Variants in GNG12 observed in about 807,000 individuals in gnomAD.
GNG12 encodes the protein guanine nucleotide-binding protein G(I)/G(S)/G(O) subunit gamma-12.
For missense variants in GNG12, 69 were observed against 83.8 expected, an observed-to-expected ratio of 0.82 and a Z score of 0.69; for synonymous variants, 28 against 29.7, an observed-to-expected ratio of 0.94 and a Z score of 0.19.
chr1:67,732,626 A>G (rs900348115), intron 2 of GNG12, among the ~76,000 whole-genome samples: 2 of 152,212 alleles, frequency 1.3e-5, no homozygotes, highest in African/African-American at 4.8e-5. Flanking sequence ...TTTTCTTTGT[A>G]TAACACTGCC....
At chr1:67,710,528 C>T (rs1319557281) in intron 2 of GNG12, among the ~76,000 whole-genome samples, 3 of 152,006 alleles carry the variant, frequency 2.0e-5, no homozygotes, top group Non-Finnish European at 2.9e-5. Flanking sequence ...ATTGCTCCCA[C>T]CCGGCATGGC....
intron 1 of GNG12, among the ~76,000 whole-genome samples, chr1:67,798,532 T>C (rs1646845219): frequency 6.6e-6 from 1 of 152,170 alleles, no homozygotes; most frequent in Non-Finnish European, 1.5e-5. Flanking sequence ...CCTGTCTTCC[T>C]GCCTCCCCAT....
intron 2 of GNG12, among the ~76,000 whole-genome samples, chr1:67,721,387 T>C (rs998545228): frequency 6.6e-6 from 1 of 152,122 alleles, no homozygotes; most frequent in Non-Finnish European, 1.5e-5. Flanking sequence ...GGGAGCCCCT[T>C]AGAAATGCAA....
chr1:67,804,614 A>G lies in GNG12; in HGVS notation c.-76-27107T>C, dbSNP rs1646884417. On this transcript the variant is annotated intron_variant, in intron 1 of 3. Coordinates refer to ENST00000370982, the MANE Select transcript of GNG12 (RefSeq NM_018841.6). ...AAAACCAACAATTCTTCTTGGATGC[A>G]GTAGAGAAGTAAAGTGACAGGGCAA... 2.0e-5 allele frequency among the ~76,000 whole-genome samples: 3 copies of G among 152,150 alleles called. No homozygotes were observed. In the South Asian group the frequency reaches 6.2e-4, roughly 31 times the overall value.
chr1:67,788,814 A>C (rs1220442265), intron 1 of GNG12, among the ~76,000 whole-genome samples: 2 of 152,254 alleles, frequency 1.3e-5, no homozygotes, highest in African/African-American at 4.8e-5. Flanking sequence ...TTAGAAGACA[A>C]CAAGAATGCA....
intron 2 of GNG12, among the ~76,000 whole-genome samples, chr1:67,776,335 T>C (rs967641798): frequency 2.6e-5 from 4 of 152,176 alleles, no homozygotes; most frequent in African/African-American, 9.6e-5. Context: ...ATAAACACTA[T>C]AGCAGATTGC....
chr1:67,766,145 CACA>C lies in GNG12; in HGVS notation c.-27+11310_-27+11312del, dbSNP rs1557610127. 6.1e-4 allele frequency among the ~76,000 whole-genome samples: 87 copies of C among 141,634 alleles called. 1 individual carries two copies. The highest frequency in any genetic ancestry group is 1.7e-3 in the African/African-American group (58 of 33,900). The allele number at this position is 141,634 out of a possible 152,430, so 92.9% of individuals were successfully genotyped here. On this transcript the variant is annotated intron_variant, in intron 2 of 3. Coordinates refer to ENST00000370982, the MANE Select transcript of GNG12 (RefSeq NM_018841.6). ...ACACACACACACACACACACACACA[CACA>C]CCCCTAAACAATGCCCTCATAGACA...
At chr1:67,801,343 T>G (rs906598434) in intron 1 of GNG12, among the ~76,000 whole-genome samples, 1 of 152,216 alleles carries the variant, frequency 6.6e-6, no homozygotes, top group Non-Finnish European at 1.5e-5. Flanking sequence ...AATGAATATA[T>G]GAATGAGGCT....
At chr1:67,797,313 T>C (rs1288388257) in intron 1 of GNG12, among the ~76,000 whole-genome samples, 1 of 152,196 alleles carries the variant, frequency 6.6e-6, no homozygotes, top group Non-Finnish European at 1.5e-5. Context: ...TAACTTGTCC[T>C]GCCATTAAGA....
At chr1:67,732,211 T>C (rs1646423786) in intron 2 of GNG12, among the ~76,000 whole-genome samples, 1 of 152,256 alleles carries the variant, frequency 6.6e-6, no homozygotes, top group South Asian at 2.1e-4. Flanking sequence ...TTACTTAAGA[T>C]GCTATATGAA....
intron 2 of GNG12, among the ~76,000 whole-genome samples, chr1:67,746,660 G>A (rs1000567909): frequency 5.9e-5 from 9 of 152,156 alleles, no homozygotes; most frequent in African/African-American, 2.2e-4. Context: ...TCTAAAAATA[G>A]GGAGTTTGGC....
At chr1:67,761,891 C>T (rs557765463) in intron 2 of GNG12, among the ~76,000 whole-genome samples, 20 of 152,226 alleles carry the variant, frequency 1.3e-4, no homozygotes, top group African/African-American at 4.6e-4. Context: ...CACGGCTCCA[C>T]TCCAGGACCA....
chr1:67,777,327 G>A (rs1160440441), intron 2 of GNG12, 131 bp downstream of exon 2: 12 of 155,096 alleles, frequency 7.7e-5, no homozygotes, highest in Admixed American at 7.2e-4. Context: ...AAATTATAGA[G>A]ATTAAAGAAA....
In GNG12 at chr1:67,787,322, T is replaced by C. The variant is rs191854820; in HGVS notation, c.-76-9815A>G. 2.8e-4 allele frequency among the ~76,000 whole-genome samples: 43 copies of C among 152,174 alleles called. No individual in the cohort carries two copies. The East Asian group carries it at 7.9e-3, about 28-fold the overall frequency. The stretch of plus-strand genomic sequence containing the variant: ...GTACAAGTAAGGTAGAGGGAACAGC[T>C]TGTGCCAAGGCCTGAGAGGAAGTGA... On this transcript the variant is annotated intron_variant, in intron 1 of 3. Coordinates refer to ENST00000370982, the MANE Select transcript of GNG12 (RefSeq NM_018841.6).
chr1:67,790,088 CA>C (rs1646793047), intron 1 of GNG12, among the ~76,000 whole-genome samples: 1 of 151,684 alleles, frequency 6.6e-6, no homozygotes, highest in African/African-American at 2.4e-5. Context: ...TATTAAAAAA[CA>C]AAAACAAAAC....
chr1:67,713,690 A>G (rs1452335109), intron 2 of GNG12, among the ~76,000 whole-genome samples: 1 of 151,482 alleles, frequency 6.6e-6, no homozygotes, highest in Non-Finnish European at 1.5e-5. Context: ...GCTCCCACTT[A>G]CTCTCTGGTC....
At chr1:67,715,171 C>G (rs969296456) in intron 2 of GNG12, among the ~76,000 whole-genome samples, 1 of 152,156 alleles carries the variant, frequency 6.6e-6, no homozygotes, top group East Asian at 1.9e-4. Flanking sequence ...CCCGCCTCAC[C>G]CTCTCAAAGT....
intron 2 of GNG12, among the ~76,000 whole-genome samples, chr1:67,746,764 G>A: frequency 6.6e-6 from 1 of 152,230 alleles, no homozygotes; most frequent in East Asian, 1.9e-4. Context: ...CAAGGAGGTT[G>A]CCATTTTATT....
chr1:67,816,052 TA>T (rs1646951371), intron 1 of GNG12, among the ~76,000 whole-genome samples: 1 of 152,198 alleles, frequency 6.6e-6, no homozygotes, highest in Non-Finnish European at 1.5e-5. Flanking sequence ...AACATGCACA[TA>T]AGTTTATGAA....
Sources: allele counts gnomAD v4.1 joint callset (sites outside exome capture counted in the v4.1 genomes callset), GRCh38; gene constraint gnomAD v4.1.1; transcripts MANE v1.5; gene names NCBI Gene and HGNC (gene_info 2026-07-23, HGNC 2026-07-21).